Variants in ACSM5 observed in about 807,000 individuals in gnomAD.
ACSM5 encodes the protein acyl-coenzyme A synthetase ACSM5, mitochondrial.
Under a neutral mutation model 71.6 loss-of-function variants are expected in ACSM5, and 56 were observed. The ratio of observed to expected loss-of-function variants is 0.78; its 90% CI spans 0.63 to 0.98. The LOEUF (loss-of-function observed/expected upper bound fraction) is 0.98, where lower values mean the gene tolerates loss of function less well. Ranked by LOEUF, ACSM5 falls within the 50% of genes least tolerant of loss-of-function variation. The pLI, the probability that ACSM5 is intolerant of heterozygous loss-of-function variation, is 0.00. For synonymous variants in ACSM5, 285 were observed against 281.5 expected (o/e 1.01, Z -0.12); for missense variants, 723 against 726.0 (o/e 1.00, Z 0.05).
Position 20,440,604 on chromosome 16 carries a change from A to C in ACSM5, c.*177A>C. 4 of 601,534 alleles carry C rather than the reference A, an allele frequency of 6.6e-6. No homozygotes were observed. The highest frequency in any genetic ancestry group is 6.0e-6 in the Non-Finnish European group (2 of 330,814). 37.3% of individuals were successfully genotyped at this position (601,534 alleles called of 1,614,324 possible). On this transcript the variant is annotated 3_prime_UTR_variant, in exon 14 of 14. Transcript: ENST00000331849. ...ATGCTGGAAAGAGCAAAAGAATATC[A>C]TTGGCCCTGATCACATAGATGCTGC...
chr16:20,427,581 A>G (rs1263449408), intron 6 of ACSM5, among the ~76,000 whole-genome samples: 2 of 152,230 alleles, frequency 1.3e-5, no homozygotes, highest in Non-Finnish European at 1.5e-5. Flanking sequence ...TCACAGACCC[A>G]CTTTGGTATG....
chr16:20,437,038 T>C lies in ACSM5; in HGVS notation c.1309-14T>C. The C allele has an allele frequency of 1.2e-6, 2 of 1,614,080 alleles. No individual in the cohort carries two copies. Among genetic ancestry groups the C allele is most frequent in the South Asian group, 1.1e-5 (1 of 91,080 alleles). Reference sequence around the variant, plus strand: ...TTCCCAGAGGGTCCTTCACGGGTTGTCTTTGTCTTTCAGGACAATCCTGAG... The same window carrying C: ...TTCCCAGAGGGTCCTTCACGGGTTGCCTTTGTCTTTCAGGACAATCCTGAG... On this transcript the variant is annotated splice_polypyrimidine_tract_variant and intron_variant, in intron 10 of 13. Transcript: ENST00000331849.
At chr16:20,419,594 C>T in intron 4 of ACSM5, 159 bp downstream of exon 4, 1 of 684,012 alleles carries the variant, frequency 1.5e-6, no homozygotes, top group Non-Finnish European at 2.5e-6. Context: ...TGGTCCCTAC[C>T]TTAATGTTCA....
At chr16:20,424,730 C>G (rs1359673373) in intron 6 of ACSM5, among the ~76,000 whole-genome samples, 1 of 152,226 alleles carries the variant, frequency 6.6e-6, no homozygotes, top group Admixed American at 6.5e-5. Flanking sequence ...GCTGCTTAAT[C>G]TCCTGAGCTG....
intron 6 of ACSM5, among the ~76,000 whole-genome samples, chr16:20,424,873 A>G (rs1390955796): frequency 6.6e-6 from 1 of 152,276 alleles, no homozygotes; most frequent in African/African-American, 2.4e-5. Context: ...TTGTGGATAC[A>G]TAGTAGGTGT....
At chr16:20,421,031 G>A (rs547478753) in intron 4 of ACSM5, 152 of 365,842 alleles carry the variant, frequency 4.2e-4, no homozygotes, top group Non-Finnish European at 6.1e-4. Context: ...ACTCTTTTGC[G>A]TGAATTATTT....
chr16:20,434,037 A>G (rs1254796375), intron 10 of ACSM5, among the ~76,000 whole-genome samples: 1 of 152,084 alleles, frequency 6.6e-6, no homozygotes, highest in East Asian at 1.9e-4. Flanking sequence ...AGTTGCTAAC[A>G]TCTTCCTCCT....
intron 6 of ACSM5, among the ~76,000 whole-genome samples, chr16:20,425,950 G>A (rs1163304540): frequency 6.6e-6 from 1 of 152,206 alleles, no homozygotes; most frequent in East Asian, 1.9e-4. Flanking sequence ...ATGCCCAGAA[G>A]TGGGATTGCT....
At chr16:20,430,232 C>T (rs1247268739) in intron 8 of ACSM5, among the ~76,000 whole-genome samples, 13 of 131,806 alleles carry the variant, frequency 9.9e-5, no homozygotes, top group Non-Finnish European at 1.8e-4. Flanking sequence ...CACACACACA[C>T]ACACTACTTA....
At chr16:20,426,329 C>G (rs2141652384) in intron 6 of ACSM5, among the ~76,000 whole-genome samples, 1 of 152,284 alleles carries the variant, frequency 6.6e-6, no homozygotes, top group Non-Finnish European at 1.5e-5. Context: ...TATACCGAAA[C>G]TTAGCACTTT....
chr16:20,421,925 C>A (rs115339822), intron 5 of ACSM5, among the ~76,000 whole-genome samples: 3 of 151,564 alleles, frequency 2.0e-5, no homozygotes, highest in South Asian at 2.1e-4. Context: ...ATTTGATACT[C>A]TAGGTATTTC....
intron 1 of ACSM5, among the ~76,000 whole-genome samples, 183 bp from the exon 2 acceptor site, chr16:20,411,287 G>C (rs888282307): frequency 6.6e-6 from 1 of 152,204 alleles, no homozygotes; most frequent in Non-Finnish European, 1.5e-5. Context: ...GACAGACCTC[G>C]GGGTCAGAGG....
At chr16:20,438,215 A>C (rs1967241433) in intron 12 of ACSM5, among the ~76,000 whole-genome samples, 2 of 152,112 alleles carry the variant, frequency 1.3e-5, no homozygotes, top group South Asian at 2.1e-4. Context: ...TCACTGGCTT[A>C]CATCCAACAT....
chr16:20,431,152 T>C, intron 9 of ACSM5, 68 bp from the exon 10 acceptor site: 1 of 1,597,026 alleles, frequency 6.3e-7, no homozygotes, highest in South Asian at 1.1e-5. Context: ...CACGGGCTGC[T>C]GGGCTGCTGG....
At chr16:20,438,400 C>G (rs994126314) in intron 12 of ACSM5, among the ~76,000 whole-genome samples, 1 of 151,752 alleles carries the variant, frequency 6.6e-6, no homozygotes, top group Non-Finnish European at 1.5e-5. Flanking sequence ...TCAGACTTAC[C>G]AAATCATGAT....
At position 20,411,534 on chromosome 16, in the gene ACSM5, G is replaced by A. The variant is rs1240306318; in HGVS notation, c.50G>A (p.Arg17Lys). The A allele has an allele frequency of 6.2e-7, 1 of 1,614,198 alleles. No individual in the cohort carries two copies. The highest frequency in any genetic ancestry group is 1.7e-5 in the Admixed American group (1 of 60,028). ...GTCCTCCAGGCACTGAGGAACTCCA[G>A]GGCATTCTGTGGGTCTCATGGGAAG... ...HLVLQALRNS[R>K]AFCGSHGKPA... Residue 17 changes from arginine to lysine, a missense_variant, in exon 2 of 14, where the codon AGG (arginine) becomes AAG (lysine). Coordinates refer to ENST00000331849, the MANE Select transcript of ACSM5 (RefSeq NM_017888.3).
intron 6 of ACSM5, among the ~76,000 whole-genome samples, chr16:20,425,447 A>G (rs1017275827): frequency 6.6e-6 from 1 of 152,144 alleles, no homozygotes; most frequent in East Asian, 1.9e-4. Context: ...AATTATTTTC[A>G]TAGGTTATTG....
At position 20,419,439 on chromosome 16, in the gene ACSM5, A is replaced by G; in HGVS notation, c.623+4A>G. Reference sequence around the variant, plus strand: ...TGAACTTCAGGGAACTCCTCCGGTGAATTGGGGCTCTCCAGAACAGCAGAA... The same window carrying G: ...TGAACTTCAGGGAACTCCTCCGGTGGATTGGGGCTCTCCAGAACAGCAGAA... On this transcript the variant is annotated splice_donor_region_variant and intron_variant, in intron 4 of 13. Coordinates refer to ENST00000331849, the MANE Select transcript of ACSM5 (RefSeq NM_017888.3). The G allele has an allele frequency of 6.2e-7, 1 of 1,613,846 alleles. No individual in the cohort carries two copies. Among genetic ancestry groups the G allele is most frequent in the Non-Finnish European group, 8.5e-7 (1 of 1,179,792 alleles).
intron 12 of ACSM5, among the ~76,000 whole-genome samples, chr16:20,439,469 G>A (rs1286118306): frequency 6.6e-6 from 1 of 151,860 alleles, no homozygotes; most frequent in Non-Finnish European, 1.5e-5. Flanking sequence ...AATGGCCCTA[G>A]GAGTTTATGA....
Sources: gnomAD v4.1 joint callset for allele counts (sites outside exome capture counted in the v4.1 genomes callset) on GRCh38, gnomAD v4.1.1 for gene constraint, MANE v1.5 for transcripts, NCBI Gene and HGNC (gene_info 2026-07-23, HGNC 2026-07-21) for gene names.